CADM2: variants seen among roughly 807,000 people sequenced by gnomAD.
The protein encoded by CADM2 is cell adhesion molecule 2, also known as immunoglobulin superfamily member 4D.
CADM2 carries 12 observed loss-of-function variants against 49.8 expected under a neutral mutation model. The observed-to-expected ratio is 0.24, with a 90% CI of 0.15 to 0.39. CADM2 has a LOEUF of 0.39. Among genes scored for constraint, CADM2 ranks in the 10% least tolerant of loss-of-function variants. CADM2 has a pLI of 1.00. For missense variants in CADM2, 378 were observed against 492.3 expected (o/e 0.77, Z 2.20); for synonymous variants, 214 against 175.4 (o/e 1.22, Z -1.74).
intron 3 of CADM2, among the ~76,000 whole-genome samples, chr3:85,874,888 T>A (rs896459730): frequency 3.3e-5 from 5 of 152,164 alleles, no homozygotes; most frequent in Non-Finnish European, 5.9e-5. Flanking sequence ...TTTTGATGAC[T>A]ATCTGTTAAC....
intron 2 of CADM2, among the ~76,000 whole-genome samples, chr3:85,782,206 T>C (rs1226392277): frequency 1.3e-5 from 2 of 152,236 alleles, no homozygotes; most frequent in Non-Finnish European, 2.9e-5. Context: ...TTGAATTTAA[T>C]GTGGTTTACT....
At chr3:85,549,606 T>C (rs1438685774) in intron 1 of CADM2, among the ~76,000 whole-genome samples, 1 of 152,112 alleles carries the variant, frequency 6.6e-6, no homozygotes, top group African/African-American at 2.4e-5. Context: ...TCTGTGGTTA[T>C]TAATATATTT....
At chr3:85,927,215 G>C (rs1719986025) in intron 6 of CADM2, among the ~76,000 whole-genome samples, 1 of 152,120 alleles carries the variant, frequency 6.6e-6, no homozygotes, top group Non-Finnish European at 1.5e-5. Flanking sequence ...TCAGTAGTTG[G>C]AAAATATTTC....
intron 1 of CADM2, among the ~76,000 whole-genome samples, chr3:85,678,813 T>C (rs1036442199): frequency 1.3e-5 from 2 of 152,158 alleles, no homozygotes; most frequent in East Asian, 3.9e-4. Context: ...GGGTGGCAGA[T>C]CTCAACTGGG....
At chr3:85,353,285 A>C (rs2107245999) in intron 1 of CADM2, among the ~76,000 whole-genome samples, 1 of 152,204 alleles carries the variant, frequency 6.6e-6, no homozygotes, top group South Asian at 2.1e-4. Flanking sequence ...GCACTTCAGT[A>C]AAGAATCACA....
intron 8 of CADM2, among the ~76,000 whole-genome samples, chr3:85,975,038 TAGAC>T (rs1726600116): frequency 6.6e-6 from 1 of 151,452 alleles, no homozygotes. Flanking sequence ...ACTTCTTAGA[TAGAC>T]AGATAGATAG....
intron 1 of CADM2, among the ~76,000 whole-genome samples, chr3:85,573,324 T>G (rs1359476277): frequency 6.6e-6 from 1 of 151,834 alleles, no homozygotes; most frequent in African/African-American, 2.4e-5. Flanking sequence ...TCCCAAGAAG[T>G]TAGGATTACT....
chr3:85,726,346 T>A (rs572180472), intron 1 of CADM2, 176 bp from the exon 2 acceptor site: 3 of 656,260 alleles, frequency 4.6e-6, no homozygotes, highest in African/African-American at 3.6e-5. Flanking sequence ...AGGATCTTAC[T>A]CATAACACTA....
chr3:86,012,533 G>A, intron 8 of CADM2: 1 of 1,401,336 alleles, frequency 7.1e-7, no homozygotes. Flanking sequence ...GGGAGCGGAG[G>A]GCTGGGCCAG....
At chr3:85,031,417 T>C (rs898250130) in intron 1 of CADM2, among the ~76,000 whole-genome samples, 4 of 152,218 alleles carry the variant, frequency 2.6e-5, no homozygotes, top group Non-Finnish European at 4.4e-5. Context: ...TTGTGGATCC[T>C]GGAACTTAAT....
At chr3:85,605,888 A>T (rs2063525374) in intron 1 of CADM2, among the ~76,000 whole-genome samples, 1 of 152,088 alleles carries the variant, frequency 6.6e-6, no homozygotes. Flanking sequence ...TGAATAAAGA[A>T]CCTCAAATAT....
At chr3:85,263,464 C>A (rs1407809094) in intron 1 of CADM2, among the ~76,000 whole-genome samples, 1 of 152,024 alleles carries the variant, frequency 6.6e-6, no homozygotes, top group African/African-American at 2.4e-5. Context: ...ATCTTGTCAT[C>A]CATGTTATAT....
chr3:85,036,384 GA>G (rs779352627), intron 1 of CADM2, among the ~76,000 whole-genome samples: 3 of 151,830 alleles, frequency 2.0e-5, no homozygotes, highest in Non-Finnish European at 4.4e-5. Context: ...GAGTAAAGAG[GA>G]AAAAAATAAC....
chr3:85,832,882 C>A (rs917445198), intron 3 of CADM2, among the ~76,000 whole-genome samples: 3 of 151,828 alleles, frequency 2.0e-5, no homozygotes, highest in Non-Finnish European at 2.9e-5. Context: ...CATCTTGTTA[C>A]ATCTCTTCAG....
At chr3:85,680,546 T>C (rs2107655792) in intron 1 of CADM2, among the ~76,000 whole-genome samples, 1 of 152,326 alleles carries the variant, frequency 6.6e-6, no homozygotes, top group South Asian at 2.1e-4. Context: ...ATGTGCTCCA[T>C]AAGTGATTAT....
intron 1 of CADM2, among the ~76,000 whole-genome samples, chr3:85,148,263 C>T (rs2039814689): frequency 6.6e-6 from 1 of 152,166 alleles, no homozygotes; most frequent in Non-Finnish European, 1.5e-5. Context: ...GCTTCCTAGG[C>T]TGCTAAAAAA....
chr3:85,787,387 A>G (rs970707465), intron 2 of CADM2, among the ~76,000 whole-genome samples: 16 of 152,090 alleles, frequency 1.1e-4, no homozygotes, highest in African/African-American at 3.4e-4. Context: ...TCAATGAGGT[A>G]CTTGATTGTA....
chr3:85,872,899 G>T (rs1016714315), intron 3 of CADM2, among the ~76,000 whole-genome samples: 4 of 151,970 alleles, frequency 2.6e-5, no homozygotes, highest in African/African-American at 7.3e-5. Context: ...TGAATGTCAT[G>T]AATTTTTTTA....
chr3:85,736,076 G>C (rs1313998102), intron 2 of CADM2, among the ~76,000 whole-genome samples: 1 of 151,976 alleles, frequency 6.6e-6, no homozygotes, highest in African/African-American at 2.4e-5. Flanking sequence ...ACATACTCCA[G>C]CCTTAAAGAG....
Sources: allele counts gnomAD v4.1 joint callset (sites outside exome capture counted in the v4.1 genomes callset), GRCh38; gene constraint gnomAD v4.1.1; transcripts MANE v1.5; gene names NCBI Gene and HGNC (gene_info 2026-07-23, HGNC 2026-07-21).